The following CDH13 variants were observed in gnomAD, a reference collection of about 807,000 sequenced individuals.
CDH13 encodes the protein cadherin-13.
In CDH13, 24 loss-of-function variants were observed where a neutral mutation model predicts 63.8. The observed-to-expected ratio is 0.38, with a 90% CI of 0.27 to 0.53. The LOEUF (loss-of-function observed/expected upper bound fraction) is 0.53, where lower values mean the gene tolerates loss of function less well. Ranked by LOEUF, CDH13 falls within the 20% of genes least tolerant of loss-of-function variation. The pLI is 0.85. For missense variants in CDH13, 1,049 were observed against 903.1 expected, an observed-to-expected ratio of 1.16 and a Z score of -2.07; for synonymous variants, 503 against 355.3, an observed-to-expected ratio of 1.42 and a Z score of -4.67.
At chr16:83,277,872 C>G (rs1362479417) in intron 5 of CDH13, among the ~76,000 whole-genome samples, 1 of 151,600 alleles carries the variant, frequency 6.6e-6, no homozygotes, top group East Asian at 1.9e-4. Flanking sequence ...ATCCTGAAAC[C>G]AAAAAATTTG....
chr16:83,605,544 G>T (rs572962418), intron 8 of CDH13, among the ~76,000 whole-genome samples: 1 of 152,134 alleles, frequency 6.6e-6, no homozygotes, highest in South Asian at 2.1e-4. Context: ...CGGGCTGATC[G>T]CAGAGCCCAC....
intron 3 of CDH13, among the ~76,000 whole-genome samples, chr16:83,070,339 C>A (rs1159602419): frequency 4.6e-5 from 7 of 152,236 alleles, no homozygotes; most frequent in Admixed American, 1.3e-4. Context: ...GCCTTCTGGC[C>A]ATAAGTACCA....
intron 5 of CDH13, among the ~76,000 whole-genome samples, chr16:83,326,259 A>T (rs1178901027): frequency 6.6e-6 from 1 of 152,114 alleles, no homozygotes; most frequent in Non-Finnish European, 1.5e-5. Context: ...CTTGGTAGCA[A>T]TGCCTCTGCC....
At chr16:83,334,956 G>A (rs944487742) in intron 5 of CDH13, among the ~76,000 whole-genome samples, 1 of 152,162 alleles carries the variant, frequency 6.6e-6, no homozygotes, top group Non-Finnish European at 1.5e-5. Flanking sequence ...GGACTCAGGT[G>A]TAAAAAGTAA....
intron 7 of CDH13, among the ~76,000 whole-genome samples, chr16:83,567,966 G>T (rs973650395): frequency 1.3e-5 from 2 of 152,270 alleles, no homozygotes; most frequent in South Asian, 2.1e-4. Context: ...ATCGCATTCT[G>T]CAGAGTGCTG....
chr16:83,460,633 A>G (rs1011128744), intron 6 of CDH13, among the ~76,000 whole-genome samples: 5 of 152,202 alleles, frequency 3.3e-5, no homozygotes, highest in African/African-American at 1.2e-4. Flanking sequence ...AAAAACAGGA[A>G]AAACTATTAG....
chr16:83,353,001 T>C (rs2090987349), intron 6 of CDH13, among the ~76,000 whole-genome samples: 1 of 152,238 alleles, frequency 6.6e-6, no homozygotes, highest in African/African-American at 2.4e-5. Flanking sequence ...CTCTCACTTA[T>C]AAGTCAGAGC....
chr16:83,139,353 T>G (rs1017861345), intron 4 of CDH13, among the ~76,000 whole-genome samples: 3 of 152,250 alleles, frequency 2.0e-5, no homozygotes. Context: ...TTTTATTTTT[T>G]TCTACTAGCT....
At chr16:83,739,595 T>C (rs1450315545) in intron 10 of CDH13, among the ~76,000 whole-genome samples, 1 of 152,126 alleles carries the variant, frequency 6.6e-6, no homozygotes, top group East Asian at 1.9e-4. Context: ...TTTGACAGCA[T>C]GTATCAGATC....
chr16:83,150,703 A>C (rs909765575), intron 4 of CDH13, among the ~76,000 whole-genome samples: 3 of 152,200 alleles, frequency 2.0e-5, no homozygotes, highest in Non-Finnish European at 4.4e-5. Flanking sequence ...TTATATAGTA[A>C]GCAACTCTTA....
rs117376540 is a variant in CDH13, at chr16:83,757,278, A to T, written c.1681+9028A>T. On this transcript the variant is annotated intron_variant, in intron 11 of 13. Coordinates refer to ENST00000567109, the MANE Select transcript of CDH13 (RefSeq NM_001257.5). The stretch of plus-strand genomic sequence containing the variant: ...AGAAAATAGGAAACAAATATACAAG[A>T]CAAAATCAACAAATCCAGGCTGGGC... Among the ~76,000 whole-genome samples the T allele has an allele frequency of 8.2e-3, 1,244 of 152,306 alleles. 6 individuals are homozygous for T. The highest frequency in any genetic ancestry group is 0.012 in the Non-Finnish European group (845 of 68,028).
At chr16:83,061,413 A>G (rs576600508) in intron 3 of CDH13, among the ~76,000 whole-genome samples, 26 of 152,302 alleles carry the variant, frequency 1.7e-4, no homozygotes, top group Admixed American at 3.9e-4. Flanking sequence ...TTTCCAAAAT[A>G]GTTTCCTGGT....
At chr16:83,036,536 G>C (rs759448147) in intron 3 of CDH13, among the ~76,000 whole-genome samples, 2 of 152,118 alleles carry the variant, frequency 1.3e-5, no homozygotes, top group African/African-American at 4.8e-5. Flanking sequence ...CACAAATGCA[G>C]TTACAACAGA....
At chr16:83,528,866 A>G (rs1254081829) in intron 7 of CDH13, among the ~76,000 whole-genome samples, 1 of 152,150 alleles carries the variant, frequency 6.6e-6, no homozygotes, top group East Asian at 1.9e-4. Context: ...TTTGTTCATT[A>G]TGGTGAAGGG....
intron 1 of CDH13, among the ~76,000 whole-genome samples, chr16:82,792,055 C>G (rs2036334521): frequency 6.6e-6 from 1 of 152,170 alleles, no homozygotes; most frequent in Non-Finnish European, 1.5e-5. Context: ...GCTGCTGTCC[C>G]CTCCTTTTGA....
intron 5 of CDH13, among the ~76,000 whole-genome samples, chr16:83,291,839 C>G (rs2089473742): frequency 6.6e-6 from 1 of 152,130 alleles, no homozygotes; most frequent in African/African-American, 2.4e-5. Context: ...CGTTTGGTCT[C>G]TTACATATTG....
chr16:82,832,756 C>G (rs557177451), intron 1 of CDH13, among the ~76,000 whole-genome samples: 1 of 152,240 alleles, frequency 6.6e-6, no homozygotes, highest in South Asian at 2.1e-4. Flanking sequence ...GTACAAATAA[C>G]TGTATATTCT....
At chr16:82,884,428 A>C (rs2040812821) in intron 2 of CDH13, 1 of 314,868 alleles carries the variant, frequency 3.2e-6, no homozygotes, top group South Asian at 2.9e-5. Flanking sequence ...TAGACAAAGC[A>C]AGATGCTTAG....
intron 1 of CDH13, among the ~76,000 whole-genome samples, chr16:82,856,396 A>G (rs2039694253): frequency 6.8e-6 from 1 of 147,758 alleles, no homozygotes; most frequent in African/African-American, 2.5e-5. Flanking sequence ...AAAAGAAAAG[A>G]AAAGAAAAGA....
Sources: allele counts gnomAD v4.1 joint callset (sites outside exome capture counted in the v4.1 genomes callset), GRCh38; gene constraint gnomAD v4.1.1; transcripts MANE v1.5; gene names NCBI Gene and HGNC (gene_info 2026-07-23, HGNC 2026-07-21).